Variants in TMEM230 observed in about 807,000 individuals in gnomAD.
The protein encoded by TMEM230 is UPF0414 transmembrane protein C20orf30.
TMEM230 carries 10 observed loss-of-function variants against 15.8 expected under a neutral mutation model. The observed-to-expected ratio is 0.63, with a 90% CI of 0.39 to 1.07. The LOEUF (loss-of-function observed/expected upper bound fraction) is 1.07, where lower values mean the gene tolerates loss of function less well. Among genes scored for constraint, TMEM230 ranks in the 50% least tolerant of loss-of-function variants. The pLI is 0.01. For missense variants in TMEM230, 165 were observed against 193.3 expected (o/e 0.85, Z 0.87); for synonymous variants, 67 against 76.9 (o/e 0.87, Z 0.68).
chr20:5,100,626 T>C lies in TMEM230; in HGVS notation c.*165A>G. 1.4e-6 allele frequency: 2 copies of C among 1,427,254 alleles called. No homozygotes were observed. The highest frequency in any genetic ancestry group is 1.8e-6 in the Non-Finnish European group (2 of 1,093,306). 88.4% of individuals were successfully genotyped at this position (1,427,254 alleles called of 1,614,324 possible). ...ATAGAGCTTGTCCTAATTAGCTAACTGTAGGTTCACTTAACATCTTTGGGA... is the reference window on the plus strand; with the variant it reads ...ATAGAGCTTGTCCTAATTAGCTAACCGTAGGTTCACTTAACATCTTTGGGA... On this transcript the variant is annotated 3_prime_UTR_variant, in exon 5 of 5. Transcript: ENST00000342308.
chr20:5,087,864 T>C (rs1477710508), intron 3 of TMEM230, among the ~76,000 whole-genome samples: 1 of 150,336 alleles, frequency 6.7e-6, no homozygotes, highest in African/African-American at 2.4e-5. Context: ...GGCTAATTTT[T>C]ATATTTGTAG....
chr20:5,088,712 C>T (rs1227452874), intron 3 of TMEM230, among the ~76,000 whole-genome samples: 2 of 151,824 alleles, frequency 1.3e-5, no homozygotes, highest in African/African-American at 2.4e-5. Context: ...TGGGGTCTCA[C>T]TATGTTACCC....
downstream of TMEM230, among the ~76,000 whole-genome samples, chr20:5,095,261 A>G (rs935957685): frequency 1.2e-4 from 18 of 152,190 alleles, no homozygotes; most frequent in African/African-American, 4.3e-4. Flanking sequence ...CAGCACCTCC[A>G]GTGTTCGGAG....
At chr20:5,107,770 T>C (rs1439776492) in intron 3 of TMEM230, among the ~76,000 whole-genome samples, 1 of 148,866 alleles carries the variant, frequency 6.7e-6, no homozygotes, top group Non-Finnish European at 1.5e-5. Flanking sequence ...GTCTTGATTG[T>C]GCCACTGTAC....
downstream of TMEM230, among the ~76,000 whole-genome samples, chr20:5,099,240 CAATCAATA>C (rs1377467810): frequency 5.5e-4 from 11 of 19,868 alleles, no homozygotes; most frequent in African/African-American, 2.5e-3. Context: ...ATAAATCAAT[CAATCAATA>C]ATAAATAAAA....
At chr20:5,091,555 T>C (rs2089507472) in intron 3 of TMEM230, among the ~76,000 whole-genome samples, 1 of 152,138 alleles carries the variant, frequency 6.6e-6, no homozygotes, top group Non-Finnish European at 1.5e-5. Flanking sequence ...ATATCTTTGA[T>C]CTGCAGTTGG....
At chr20:5,061,870 G>A in the TMEM230 span, among the ~76,000 whole-genome samples, 1 of 152,136 alleles carries the variant, frequency 6.6e-6, no homozygotes, top group Non-Finnish European at 1.5e-5. Context: ...GTTCTTAAGA[G>A]GGTTCTATTA....
At chr20:5,109,526 A>G in intron 2 of TMEM230, 81 bp from the exon 2 acceptor site, 1 of 1,106,724 alleles carries the variant, frequency 9.0e-7, no homozygotes, top group South Asian at 1.4e-5. Context: ...GGATTATTAG[A>G]TGCTGTGCAC....
At chr20:5,111,757 T>A in intron 1 of TMEM230, 1 of 980,274 alleles carries the variant, frequency 1.0e-6, no homozygotes, top group Non-Finnish European at 1.2e-6. Context: ...TGGTGGTTAG[T>A]ACTTACCTAG....
chr20:5,108,349 G>A (rs1211739074), intron 3 of TMEM230, among the ~76,000 whole-genome samples: 1 of 151,284 alleles, frequency 6.6e-6, no homozygotes, highest in Non-Finnish European at 1.5e-5. Context: ...AACCTGGGAG[G>A]CAGAGGTTGC....
chr20:5,084,006 C>A (rs1288782634), intron 3 of TMEM230, among the ~76,000 whole-genome samples: 3 of 152,096 alleles, frequency 2.0e-5, no homozygotes, highest in African/African-American at 4.8e-5. Context: ...TCACCCTCCT[C>A]CCACTCTCCA....
intron 3 of TMEM230, among the ~76,000 whole-genome samples, chr20:5,086,556 A>G (rs1034742817): frequency 1.3e-5 from 2 of 150,678 alleles, no homozygotes; most frequent in South Asian, 2.1e-4. Context: ...AAAAAAAAAA[A>G]AAGAAGAAAA....
At chr20:5,101,470 G>A (rs1645062259) in intron 4 of TMEM230, among the ~76,000 whole-genome samples, 1 of 151,868 alleles carries the variant, frequency 6.6e-6, no homozygotes, top group South Asian at 2.1e-4. Flanking sequence ...TGCTCGGGCT[G>A]GAGTACAGTG....
intron 2 of TMEM230, among the ~76,000 whole-genome samples, chr20:5,110,560 C>T: frequency 6.6e-6 from 1 of 152,174 alleles, no homozygotes. Context: ...GCTGGGATTA[C>T]AGGCCACTGT....
At chr20:5,063,520 C>T (rs976610960), downstream of TMEM230, among the ~76,000 whole-genome samples, 2 of 151,938 alleles carry the variant, frequency 1.3e-5, no homozygotes, top group African/African-American at 2.4e-5. Flanking sequence ...AACTTCTGAC[C>T]TCAAGTGGTC....
chr20:5,105,703 T>C (rs770931451), intron 4 of TMEM230, among the ~76,000 whole-genome samples: 3 of 152,148 alleles, frequency 2.0e-5, no homozygotes, highest in Non-Finnish European at 4.4e-5. Context: ...ATACCTCATG[T>C]ATCCCCTAAG....
chr20:5,065,840 A>C (rs1319875222), downstream of TMEM230, among the ~76,000 whole-genome samples: 2 of 152,168 alleles, frequency 1.3e-5, no homozygotes, highest in African/African-American at 4.8e-5. Context: ...GCCAAACACC[A>C]AAACTGTAGG....
At chr20:5,110,763 TAAC>T (rs1394855406) in intron 2 of TMEM230, among the ~76,000 whole-genome samples, 3 of 152,228 alleles carry the variant, frequency 2.0e-5, no homozygotes, top group Non-Finnish European at 4.4e-5. Context: ...AAAAATGGAA[TAAC>T]AACCTGGCTT....
intron 3 of TMEM230, chr20:5,109,031 C>T (rs905125505): frequency 1.1e-5 from 2 of 183,624 alleles, no homozygotes; most frequent in Non-Finnish European, 1.1e-5. Flanking sequence ...CAACAAAAAA[C>T]TCCACTTAAC....
Sources: allele counts gnomAD v4.1 joint callset (sites outside exome capture counted in the v4.1 genomes callset), GRCh38; gene constraint gnomAD v4.1.1; transcripts MANE v1.5; gene names NCBI Gene and HGNC (gene_info 2026-07-23, HGNC 2026-07-21).